AP3B1: variants seen among roughly 807,000 people sequenced by gnomAD.
AP3B1 encodes the protein adaptor related protein complex 3 subunit beta 1, also known as AP-3 complex subunit beta-1.
Under a neutral mutation model 132.5 loss-of-function variants are expected in AP3B1, and 61 were observed. That is an observed-to-expected ratio of 0.46 (90% CI 0.37 to 0.57). The LOEUF (loss-of-function observed/expected upper bound fraction) is 0.57, where lower values mean the gene tolerates loss of function less well. Ranked by LOEUF, AP3B1 falls within the 20% of genes least tolerant of loss-of-function variation. The pLI, the probability that AP3B1 is intolerant of heterozygous loss-of-function variation, is 0.00. For missense variants in AP3B1, 1,120 were observed against 1,289.4 expected, an observed-to-expected ratio of 0.87 and a Z score of 2.01; for synonymous variants, 388 against 438.3, an observed-to-expected ratio of 0.89 and a Z score of 1.43.
intron 13 of AP3B1, among the ~76,000 whole-genome samples, chr5:78,156,927 G>A (rs757930657): frequency 2.0e-5 from 3 of 152,148 alleles, no homozygotes; most frequent in Non-Finnish European, 4.4e-5. Context: ...GTGAGAGTGA[G>A]ATGGATTTTC....
At chr5:78,127,153 T>C (rs1752497350) in intron 17 of AP3B1, among the ~76,000 whole-genome samples, 1 of 152,116 alleles carries the variant, frequency 6.6e-6, no homozygotes. Context: ...GTAATAAAGG[T>C]TTTCTTCCAC....
intron 24 of AP3B1, 37 bp downstream of exon 24, chr5:78,034,324 C>T (rs1474958422): frequency 6.7e-7 from 1 of 1,483,436 alleles, no homozygotes; most frequent in African/African-American, 1.4e-5. Context: ...CTATCCTTTA[C>T]AGGTTATATA....
chr5:78,256,879 C>T (rs2112545121), intron 2 of AP3B1, among the ~76,000 whole-genome samples: 1 of 152,088 alleles, frequency 6.6e-6, no homozygotes, highest in Non-Finnish European at 1.5e-5. Flanking sequence ...ACAAATCAAT[C>T]AATGTGATAC....
intron 16 of AP3B1, 101 bp downstream of exon 16, chr5:78,129,020 T>A: frequency 1.0e-6 from 1 of 994,860 alleles, no homozygotes; most frequent in South Asian, 1.7e-5. Context: ...TGCGAATCAT[T>A]TATATTTCCT....
chr5:78,240,066 C>T (rs140629321), intron 3 of AP3B1, among the ~76,000 whole-genome samples: 9 of 152,318 alleles, frequency 5.9e-5, no homozygotes, highest in Non-Finnish European at 7.4e-5. Flanking sequence ...ATCCTCCTTA[C>T]GCTCTCACAC....
At chr5:78,032,248 T>G (rs1379304176) in intron 24 of AP3B1, among the ~76,000 whole-genome samples, 1 of 152,176 alleles carries the variant, frequency 6.6e-6, no homozygotes, top group Non-Finnish European at 1.5e-5. Flanking sequence ...TTCTAACTAA[T>G]AAAAGAGTAT....
chr5:78,040,768 A>G (rs184541033), intron 22 of AP3B1, among the ~76,000 whole-genome samples: 135 of 152,298 alleles, frequency 8.9e-4, no homozygotes, highest in Non-Finnish European at 1.3e-3. Context: ...TATAGTTCTG[A>G]GAGTATATAT....
intron 24 of AP3B1, among the ~76,000 whole-genome samples, chr5:78,025,343 C>CT (rs1747296698): frequency 6.6e-6 from 1 of 152,132 alleles, no homozygotes; most frequent in Admixed American, 6.5e-5. Context: ...GGAGATCTGC[C>CT]TTCTAAGGCA....
intron 7 of AP3B1, among the ~76,000 whole-genome samples, chr5:78,199,370 G>A (rs746856597): frequency 6.6e-6 from 1 of 152,106 alleles, no homozygotes; most frequent in Non-Finnish European, 1.5e-5. Flanking sequence ...CAAGACATGA[G>A]AAATAAGGGT....
rs976323634 is a variant in AP3B1, at chr5:78,020,122, TTC to T, written c.2992+568_2992+569del. On this transcript the variant is annotated intron_variant, in intron 25 of 26. Transcript: ENST00000255194. ...ATACTTGCATTTTGCTGAAAATATT[TTC>T]TTTTTAAGTACTTATTTTAAAAATG... Among the ~76,000 whole-genome samples the T allele has an allele frequency of 7.9e-5, 12 of 152,260 alleles. No individual in the cohort carries two copies. The East Asian group carries it at 2.3e-3, about 29-fold the overall frequency.
chr5:78,132,244 T>C (rs1752720355), intron 15 of AP3B1, among the ~76,000 whole-genome samples: 1 of 152,164 alleles, frequency 6.6e-6, no homozygotes, highest in African/African-American at 2.4e-5. Context: ...TTTTCTTAAT[T>C]AAATAAGAAC....
intron 22 of AP3B1, among the ~76,000 whole-genome samples, chr5:78,081,216 CACAGAAT>C (rs1749985220): frequency 6.6e-6 from 1 of 151,804 alleles, no homozygotes. Flanking sequence ...TTTTCTTCAG[CACAGAAT>C]ACGACACAAG....
intron 12 of AP3B1, among the ~76,000 whole-genome samples, chr5:78,164,277 A>C (rs930277906): frequency 6.6e-6 from 1 of 152,146 alleles, no homozygotes; most frequent in Non-Finnish European, 1.5e-5. Context: ...CAGTGATAAA[A>C]ATGAATACAT....
chr5:78,256,939 T>C (rs1020707844), intron 2 of AP3B1, among the ~76,000 whole-genome samples: 6 of 152,166 alleles, frequency 3.9e-5, no homozygotes, highest in Non-Finnish European at 7.4e-5. Context: ...TTTCAATTGA[T>C]GCTGAAGAAC....
At chr5:78,128,690 A>C (rs1439131789) in intron 16 of AP3B1, among the ~76,000 whole-genome samples, 1 of 152,156 alleles carries the variant, frequency 6.6e-6, no homozygotes, top group Non-Finnish European at 1.5e-5. Context: ...TTGAAAAACC[A>C]GTTTAAATAT....
At chr5:78,030,651 C>A (rs781770379) in intron 24 of AP3B1, among the ~76,000 whole-genome samples, 1 of 152,076 alleles carries the variant, frequency 6.6e-6, no homozygotes, top group South Asian at 2.1e-4. Context: ...TGAAGGCTTG[C>A]GTGTTTCTTT....
chr5:78,105,861 G>T (rs529526778), intron 20 of AP3B1, among the ~76,000 whole-genome samples: 174 of 152,292 alleles, frequency 1.1e-3, no homozygotes, highest in African/African-American at 4.0e-3. Flanking sequence ...ACCTGAATGT[G>T]TGACTATAGT....
At chr5:78,074,933 C>CA (rs1020356556) in intron 22 of AP3B1, among the ~76,000 whole-genome samples, 65 of 145,382 alleles carry the variant, frequency 4.5e-4, no homozygotes, top group African/African-American at 1.2e-3. Context: ...AACCCTGTCT[C>CA]AAAAAAAAAA....
At chr5:78,096,201 C>T (rs1208924830) in intron 21 of AP3B1, among the ~76,000 whole-genome samples, 1 of 152,186 alleles carries the variant, frequency 6.6e-6, no homozygotes, top group South Asian at 2.1e-4. Context: ...TTGGTGGAGA[C>T]GGGGTTTCGC....
Sources: allele counts gnomAD v4.1 joint callset (sites outside exome capture counted in the v4.1 genomes callset), GRCh38; gene constraint gnomAD v4.1.1; transcripts MANE v1.5; gene names NCBI Gene and HGNC (gene_info 2026-07-23, HGNC 2026-07-21).